The following RGL1 variants were observed in gnomAD, a reference collection of about 807,000 sequenced individuals.
RGL1 encodes the protein ral guanine nucleotide dissociation stimulator like 1.
Under a neutral mutation model 95.2 loss-of-function variants are expected in RGL1, and 24 were observed. The ratio of observed to expected loss-of-function variants is 0.25; its 90% CI spans 0.18 to 0.35. The LOEUF (loss-of-function observed/expected upper bound fraction) is 0.35. Ranked by LOEUF, RGL1 falls within the 10% of genes least tolerant of loss-of-function variation. RGL1 has a pLI of 1.00. For synonymous variants in RGL1, 329 were observed against 344.9 expected (o/e 0.95, Z 0.51); for missense variants, 715 against 936.3 (o/e 0.76, Z 3.08).
chr1:183,760,584 A>C (rs1658606512), intron 2 of RGL1, among the ~76,000 whole-genome samples: 1 of 149,516 alleles, frequency 6.7e-6, no homozygotes, highest in East Asian at 2.0e-4. Flanking sequence ...AAAAAAAAAA[A>C]AAAAAAAAAC....
chr1:183,764,610 C>T (rs1430232815), intron 2 of RGL1, among the ~76,000 whole-genome samples: 3 of 152,112 alleles, frequency 2.0e-5, no homozygotes, highest in Non-Finnish European at 2.9e-5. Context: ...TGGGCTGGTT[C>T]CAGTCCTGAT....
At chr1:183,778,840 T>C (rs1659731435) in intron 2 of RGL1, among the ~76,000 whole-genome samples, 2 of 152,180 alleles carry the variant, frequency 1.3e-5, no homozygotes, top group African/African-American at 4.8e-5. Flanking sequence ...CTTTAGGGAA[T>C]TGTCTGCATC....
At chr1:183,792,475 C>T (rs567213133) in intron 2 of RGL1, among the ~76,000 whole-genome samples, 126 of 152,066 alleles carry the variant, frequency 8.3e-4, no homozygotes, top group Non-Finnish European at 1.3e-3. Flanking sequence ...CCAGCCAGAA[C>T]AATCAGGCAA....
upstream of RGL1, among the ~76,000 whole-genome samples, chr1:183,800,815 G>A (rs1660946469): frequency 6.6e-6 from 1 of 152,130 alleles, no homozygotes; most frequent in South Asian, 2.1e-4. Context: ...CATCCATGTT[G>A]TTGCATATGA....
intron 2 of RGL1, among the ~76,000 whole-genome samples, chr1:183,779,158 C>CCCTTCCTT (rs34992555): frequency 0.02 from 1,873 of 91,758 alleles, 38 homozygotes; most frequent in East Asian, 0.045. Flanking sequence ...TCAAAATTTT[C>CCCTTCCTT]CCTTCCTTCC....
intron 1 of RGL1, among the ~76,000 whole-genome samples, chr1:183,669,981 C>G (rs547229706): frequency 3.9e-5 from 6 of 152,146 alleles, no homozygotes; most frequent in African/African-American, 1.4e-4. Context: ...CCTCTTATGA[C>G]GTAGGGATTA....
At chr1:183,822,942 T>C (rs1662591184) in intron 2 of RGL1, among the ~76,000 whole-genome samples, 1 of 152,212 alleles carries the variant, frequency 6.6e-6, no homozygotes, top group Non-Finnish European at 1.5e-5. Flanking sequence ...TAAAATGTCC[T>C]CCTTTCCTTA....
chr1:183,872,953 G>C (rs536315065), intron 4 of RGL1, among the ~76,000 whole-genome samples: 1 of 152,270 alleles, frequency 6.6e-6, no homozygotes, highest in East Asian at 1.9e-4. Context: ...AAGAAATGAA[G>C]AAGTGATATG....
intron 10 of RGL1, among the ~76,000 whole-genome samples, chr1:183,899,208 A>G (rs749034826): frequency 1.3e-5 from 2 of 152,226 alleles, no homozygotes; most frequent in Admixed American, 6.5e-5. Context: ...ACATTTGTCA[A>G]TACTAAGAAA....
chr1:183,904,576 T>G (rs562010625), intron 12 of RGL1, among the ~76,000 whole-genome samples: 3 of 152,326 alleles, frequency 2.0e-5, no homozygotes, highest in Admixed American at 6.5e-5. Flanking sequence ...TAGTTTGGGT[T>G]GCTTTGGTAG....
intron 2 of RGL1, among the ~76,000 whole-genome samples, chr1:183,841,455 T>C (rs1472515677): frequency 1.3e-5 from 2 of 152,238 alleles, no homozygotes; most frequent in South Asian, 2.1e-4. Context: ...ACAAAGGTGA[T>C]TGTGACAAGT....
intron 2 of RGL1, among the ~76,000 whole-genome samples, chr1:183,759,159 ACTTGCAGGTC>A (rs1442810511): frequency 3.9e-5 from 6 of 152,168 alleles, no homozygotes; most frequent in African/African-American, 1.4e-4. Flanking sequence ...AGGTTATTAC[ACTTGCAGGTC>A]CTAGAGAGAG....
At chr1:183,664,174 T>C (rs1258181566) in intron 1 of RGL1, among the ~76,000 whole-genome samples, 1 of 151,840 alleles carries the variant, frequency 6.6e-6, no homozygotes, top group Non-Finnish European at 1.5e-5. Flanking sequence ...GTAACTAACC[T>C]GCCCATTGTG....
intron 8 of RGL1, among the ~76,000 whole-genome samples, chr1:183,890,410 G>C (rs1194984785): frequency 6.6e-6 from 1 of 152,112 alleles, no homozygotes; most frequent in Non-Finnish European, 1.5e-5. Flanking sequence ...AAAGACAAAG[G>C]AAAAACCCTC....
intron 2 of RGL1, among the ~76,000 whole-genome samples, chr1:183,827,223 G>A (rs139928024): frequency 3.6e-3 from 545 of 152,244 alleles, no homozygotes; most frequent in Non-Finnish European, 5.5e-3. Flanking sequence ...GCATCCGGCC[G>A]TGTGCCAGTT....
chr1:183,868,279 C>T (rs1334785484), intron 4 of RGL1, among the ~76,000 whole-genome samples: 1 of 152,178 alleles, frequency 6.6e-6, no homozygotes, highest in Non-Finnish European at 1.5e-5. Context: ...CTAGATTGGA[C>T]TTACTTCATG....
intron 3 of RGL1, among the ~76,000 whole-genome samples, chr1:183,865,579 C>T (rs530811334): frequency 6.6e-6 from 1 of 152,178 alleles, no homozygotes; most frequent in African/African-American, 2.4e-5. Context: ...AGTGTGGATG[C>T]TGTGCCTGCA....
chr1:183,909,845 G>A (rs1484610373), intron 14 of RGL1, among the ~76,000 whole-genome samples: 1 of 152,018 alleles, frequency 6.6e-6, no homozygotes, highest in Admixed American at 6.6e-5. Flanking sequence ...ACTACTTGTG[G>A]TGTAAATCTG....
chr1:183,784,733 G>A (rs952396784), intron 2 of RGL1, among the ~76,000 whole-genome samples: 9 of 152,154 alleles, frequency 5.9e-5, no homozygotes, highest in Non-Finnish European at 2.9e-5. Flanking sequence ...TGGGCAAAAG[G>A]AGAACAATGG....
Sources: gnomAD v4.1 joint callset for allele counts (sites outside exome capture counted in the v4.1 genomes callset) on GRCh38, gnomAD v4.1.1 for gene constraint, MANE v1.5 for transcripts, NCBI Gene and HGNC (gene_info 2026-07-23, HGNC 2026-07-21) for gene names.